NFATC2IP: variants seen among roughly 807,000 people sequenced by gnomAD.
NFATC2IP encodes nuclear factor of activated T cells 2 interacting protein, also known as NFATC2-interacting protein.
NFATC2IP carries 25 observed loss-of-function variants against 40.2 expected under a neutral mutation model. That is an observed-to-expected ratio of 0.62 (90% CI 0.45 to 0.87). The LOEUF (loss-of-function observed/expected upper bound fraction) is 0.87, where lower values mean the gene tolerates loss of function less well. NFATC2IP is among the 40% of genes least tolerant of loss of function. The probability of loss-of-function intolerance (pLI) is 0.00; values close to 1 mark genes in which losing one functional copy is unlikely to be tolerated. For synonymous variants in NFATC2IP, 241 were observed against 236.3 expected (o/e 1.02, Z -0.18); for missense variants, 553 against 555.6 (o/e 1.00, Z 0.05).
chr16:28,951,881 A>G (rs1964970915), intron 1 of NFATC2IP, among the ~76,000 whole-genome samples: 1 of 152,196 alleles, frequency 6.6e-6, no homozygotes, highest in South Asian at 2.1e-4. Flanking sequence ...AGGGGCGGCT[A>G]GTAACCTAGT....
At position 28,966,514 on chromosome 16, in the gene NFATC2IP, T is replaced by G. The variant is rs539703466; in HGVS notation, c.*2651T>G. The G allele has an allele frequency of 2.7e-5, 4 of 147,496 alleles. No homozygotes were observed. Among genetic ancestry groups the G allele is most frequent in the Non-Finnish European group, 5.9e-5 (4 of 67,268 alleles). 9.1% of individuals were successfully genotyped at this position (147,496 alleles called of 1,614,324 possible). ...TTTCTCATGCCTGTAATCCCAGAAC[T>G]TTGGGAGGCTGAGGCAGGTGGATCA... On this transcript the variant is annotated 3_prime_UTR_variant, in exon 8 of 8. Coordinates refer to ENST00000320805, the MANE Select transcript of NFATC2IP (RefSeq NM_032815.4).
In NFATC2IP at chr16:28,951,176, T is replaced by A; in HGVS notation, c.165T>A (p.Asp55Glu). ...CTGTGGACTTGGTCACCGACAGCGA[T>A]GAGGAAATTCTGGAGGTCGCCACCG... ...VVSVDLVTDS[D>E]EEILEVATAR... The change falls in exon 1 of 8, where the codon GAT becomes GAA. Residue 55 changes from aspartate (D) to glutamate (E), a missense_variant. Asp to Glu is a conservative substitution (Grantham distance 45, BLOSUM62 2). Coordinates refer to ENST00000320805, the MANE Select transcript of NFATC2IP (RefSeq NM_032815.4). The A allele has an allele frequency of 6.5e-7, 1 of 1,541,220 alleles. No individual in the cohort carries two copies. Among genetic ancestry groups the A allele is most frequent in the Non-Finnish European group, 8.8e-7 (1 of 1,141,988 alleles).
At chr16:28,954,323 C>T (rs1964997388) in intron 2 of NFATC2IP, among the ~76,000 whole-genome samples, 1 of 151,954 alleles carries the variant, frequency 6.6e-6, no homozygotes, top group Non-Finnish European at 1.5e-5. Context: ...GAAAATAATA[C>T]CTGGTTTCCT....
At chr16:28,954,537 C>T (rs926964327) in intron 2 of NFATC2IP, 28 bp from the exon 3 acceptor site, 1 of 1,519,612 alleles carries the variant, frequency 6.6e-7, no homozygotes, top group Non-Finnish European at 9.1e-7. Flanking sequence ...GGATAACCCC[C>T]TTCTACCTTC....
In NFATC2IP at chr16:28,959,030, C is replaced by T. The variant is rs372049949; in HGVS notation, c.1031C>T (p.Thr344Met). The change falls in exon 7 of 8, where the codon ACG (threonine) becomes ATG (methionine). Residue 344 changes from threonine to methionine, a missense_variant. Physicochemically the swap from Thr to Met is moderately conservative, Grantham distance 81. Coordinates refer to ENST00000320805, the MANE Select transcript of NFATC2IP (RefSeq NM_032815.4). ...VLTSSPEATE[T>M]SQQLQLRVQG... ...ACAAGTTCTCCAGAGGCCACAGAGA[C>T]GTCCCAACAGCTCCAGCTCCGGGTG... The T allele has an allele frequency of 1.2e-5, 20 of 1,613,912 alleles. No homozygotes were observed. In the African/African-American group the frequency reaches 1.3e-4, roughly 11 times the overall value.
chr16:28,956,573 C>T, intron 5 of NFATC2IP: 5 of 534,356 alleles, frequency 9.4e-6, no homozygotes, highest in African/African-American at 1.9e-5. Context: ...TTCAAGGCTC[C>T]TCATAAGCAT....
rs143808142 is a variant in NFATC2IP at position 28,952,982 on chromosome 16, C to A, written c.460+778C>A. Among the ~76,000 whole-genome samples the A allele has an allele frequency of 1.4e-3, 205 of 150,312 alleles. 3 individuals are homozygous for A. The East Asian group carries it at 0.037, about 27-fold the overall frequency. On this transcript the variant is annotated intron_variant, in intron 2 of 7. Transcript: ENST00000320805. ...AACTCCTGACCTCAGGTGATCCGCC[C>A]ATCTTAGCTTCCCAAATTGCTGGGA...
In NFATC2IP at chr16:28,958,859, T is replaced by C. The variant is rs764779272; in HGVS notation, c.989T>C (p.Ile330Thr). 13 of 1,613,722 alleles carry C rather than the reference T, an allele frequency of 8.1e-6. No homozygotes were observed. Among genetic ancestry groups the C allele is most frequent in the Non-Finnish European group, 1.1e-5 (13 of 1,179,866 alleles). Residue 330 changes from isoleucine to threonine, a missense_variant and splice_region_variant, in exon 6 of 8, where the codon ATT (isoleucine) becomes ACT (threonine). By Grantham distance (89) the Ile-to-Thr change is moderately conservative. Coordinates refer to ENST00000320805, the MANE Select transcript of NFATC2IP (RefSeq NM_032815.4). ...CTAAAGCTCGGAGTGGCTGACATCA[T>C]TGGTGAGAGGAAGGCAGGGAGGTGG... ...RTLKLGVADI[I>T]DCVVLTSSPE...
At chr16:28,961,716 T>C (rs1965089398) in intron 7 of NFATC2IP, among the ~76,000 whole-genome samples, 1 of 151,828 alleles carries the variant, frequency 6.6e-6, no homozygotes, top group African/African-American at 2.4e-5. Context: ...CTGATCAACA[T>C]GGTGAAACCC....
intron 1 of NFATC2IP, among the ~76,000 whole-genome samples, chr16:28,951,852 C>G (rs1297301173): frequency 6.6e-6 from 1 of 151,946 alleles, no homozygotes; most frequent in Non-Finnish European, 1.5e-5. Flanking sequence ...GGCTGAGAGT[C>G]CCTAAGAGTC....
chr16:28,962,384 C>A (rs1345348463), intron 7 of NFATC2IP, among the ~76,000 whole-genome samples: 1 of 152,198 alleles, frequency 6.6e-6, no homozygotes, highest in Non-Finnish European at 1.5e-5. Context: ...CTCCAGGAAT[C>A]ACCACATGTT....
intron 6 of NFATC2IP, 40 bp from the exon 7 acceptor site, chr16:28,958,951 C>T (rs1176930318): frequency 1.9e-6 from 3 of 1,601,172 alleles, no homozygotes; most frequent in Non-Finnish European, 1.7e-6. Context: ...TGCTTCCAAG[C>T]CCCCACTTAG....
rs1965114846 is a variant in NFATC2IP at position 28,963,822 on chromosome 16, C to G, written c.1219C>G (p.Leu407Val). 2 of 1,614,086 alleles carry G rather than the reference C, an allele frequency of 1.2e-6. No individual in the cohort carries two copies. Residue 407 changes from leucine (L) to valine (V), a missense_variant, in exon 8 of 8, where the codon CTG becomes GTG. Transcript: ENST00000320805. ...TTCAGGCAGGGAGCTGCCAGCTGAC[C>G]TGGGCATGGAATCTGGGGACCTCAT... ...KLSGRELPAD[L>V]GMESGDLIEV... is the part of the protein sequence containing the mutation.
chr16:28,964,321 T>TGA lies in NFATC2IP; in HGVS notation c.*460_*461dup, dbSNP rs1965120739. ...TTGGGGCTTGGGAGTGACATTTGCT[T>TGA]GAGGCTTATACACTGGTGTGGTTGC... On this transcript the variant is annotated 3_prime_UTR_variant, in exon 8 of 8. Transcript: ENST00000320805. 1 of 166,472 alleles carries TGA rather than the reference T, an allele frequency of 6.0e-6. No individual in the cohort carries two copies. Among genetic ancestry groups the TGA allele is most frequent in the Admixed American group, 5.7e-5 (1 of 17,634 alleles). 10.3% of individuals were successfully genotyped at this position (166,472 alleles called of 1,614,324 possible). A position where few individuals can be genotyped will look rare whatever the true frequency, so the allele number is the denominator to read the frequency against.
intron 2 of NFATC2IP, among the ~76,000 whole-genome samples, chr16:28,953,058 G>A (rs1167663121): frequency 6.6e-6 from 1 of 150,838 alleles, no homozygotes; most frequent in East Asian, 2.0e-4. Flanking sequence ...CTTAATAGCT[G>A]TGTGATCTTA....
At chr16:28,959,571 ATTTTTTTTTTTT>A (rs61432973) in intron 7 of NFATC2IP, among the ~76,000 whole-genome samples, 1 of 114,644 alleles carries the variant, frequency 8.7e-6, no homozygotes, top group African/African-American at 3.4e-5. Context: ...TGGTGCAGTC[ATTTTTTTTTTTT>A]TTTTTTTTTT....
Position 28,958,801 on chromosome 16 carries a change from A to T in NFATC2IP, c.931A>T (p.Thr311Ser), listed in dbSNP as rs201303990. 1.4e-5 allele frequency: 23 copies of T among 1,614,028 alleles called. No homozygotes were observed. Among genetic ancestry groups the T allele is most frequent in the Middle Eastern group, 3.3e-4 (2 of 6,062 alleles). ...CAGGATCCTTTTGCTTTTTGGAGAG[A>T]CAGAGCTATCACCTACTGCCACTCC... ...PSRILLLFGETELSPTATPRT... is the reference protein window; with the variant it reads ...PSRILLLFGESELSPTATPRT... The change falls in exon 6 of 8, where the codon ACA (threonine) becomes TCA (serine). Residue 311 changes from threonine (T) to serine (S), a missense_variant. Transcript: ENST00000320805.
At chr16:28,963,069 C>T (rs1430716841) in intron 7 of NFATC2IP, among the ~76,000 whole-genome samples, 2 of 152,162 alleles carry the variant, frequency 1.3e-5, no homozygotes, top group East Asian at 3.9e-4. Flanking sequence ...GTAGTTGCAG[C>T]TACTCAGGAG....
intron 1 of NFATC2IP, 76 bp downstream of exon 1, chr16:28,951,474 AG>A (rs1219203259): frequency 1.1e-5 from 14 of 1,316,502 alleles, no homozygotes; most frequent in Non-Finnish European, 1.4e-5. Flanking sequence ...GCGTTCGGGG[AG>A]GGTAGGGCTA....
Sources: allele counts gnomAD v4.1 joint callset (sites outside exome capture counted in the v4.1 genomes callset), GRCh38; gene constraint gnomAD v4.1.1; transcripts MANE v1.5; gene names NCBI Gene and HGNC (gene_info 2026-07-23, HGNC 2026-07-21).